The following NUP93 variants were observed in gnomAD, a reference collection of about 807,000 sequenced individuals.
The protein encoded by NUP93 is nucleoporin 93.
A neutral mutation model predicts 107.8 loss-of-function variants in NUP93; 55 were observed. The observed-to-expected ratio is 0.51, with a 90% CI of 0.41 to 0.64. The LOEUF (loss-of-function observed/expected upper bound fraction) is 0.64. Among genes scored for constraint, NUP93 ranks in the 30% least tolerant of loss-of-function variants. The pLI is 0.00. For synonymous variants in NUP93, 390 were observed against 397.5 expected (o/e 0.98, Z 0.22); for missense variants, 937 against 1,044.7 (o/e 0.90, Z 1.42).
chr16:56,818,362 T>G (rs763848865), intron 5 of NUP93, among the ~76,000 whole-genome samples: 4 of 152,206 alleles, frequency 2.6e-5, no homozygotes, highest in Non-Finnish European at 5.9e-5. Flanking sequence ...GGCTTGAGAT[T>G]CAAACAGAAT....
chr16:56,776,145 T>G (rs1204269750), intron 3 of NUP93, among the ~76,000 whole-genome samples: 1 of 152,164 alleles, frequency 6.6e-6, no homozygotes, highest in Non-Finnish European at 1.5e-5. Context: ...TTAAGTTTTC[T>G]TCATAGAAAA....
At chr16:56,814,988 T>C (rs574090607) in intron 5 of NUP93, among the ~76,000 whole-genome samples, 29 of 152,344 alleles carry the variant, frequency 1.9e-4, no homozygotes, top group African/African-American at 6.7e-4. Context: ...TAATTGACTT[T>C]ATGTGCGGGG....
intron 3 of NUP93, among the ~76,000 whole-genome samples, chr16:56,762,871 C>T (rs1310828861): frequency 3.3e-5 from 5 of 152,138 alleles, no homozygotes; most frequent in Non-Finnish European, 5.9e-5. Context: ...CTTCCTCCAT[C>T]TTCACGGGGT....
At chr16:56,739,568 C>CA (rs2144437553) in intron 1 of NUP93, among the ~76,000 whole-genome samples, 1 of 92,986 alleles carries the variant, frequency 1.1e-5, no homozygotes, top group African/African-American at 4.4e-5. Context: ...GCTGGCCGGG[C>CA]GGGGGGCTGA....
At position 56,838,986 on chromosome 16, in the gene NUP93, G is replaced by A. The variant is rs369743924; in HGVS notation, c.2053G>A (p.Val685Met). 4.3e-6 allele frequency: 7 copies of A among 1,613,768 alleles called. No homozygotes were observed. The African/African-American group carries it at 9.3e-5, about 22-fold the overall frequency. ...TCAAGGAATAAGCGCAAATAAATTT[G>A]TGGACTCCACGTTCTATCTTCTTTT... ...RAQGISANKFVDSTFYLLLDL... is the reference protein window; with the variant it reads ...RAQGISANKFMDSTFYLLLDL... The change falls in exon 19 of 22, where the codon GTG (valine) becomes ATG (methionine). Residue 685 changes from valine (V) to methionine (M), a missense_variant. Coordinates refer to ENST00000308159, the MANE Select transcript of NUP93 (RefSeq NM_014669.5).
At chr16:56,740,103 G>C (rs1312216376) in intron 1 of NUP93, among the ~76,000 whole-genome samples, 3 of 102,868 alleles carry the variant, frequency 2.9e-5, no homozygotes, top group African/African-American at 1.3e-4. Flanking sequence ...TCCCGGACGG[G>C]GCGGCTGGCC....
chr16:56,830,361 C>T (rs1860930077), intron 9 of NUP93, among the ~76,000 whole-genome samples, 167 bp from the exon 10 acceptor site: 1 of 152,174 alleles, frequency 6.6e-6, no homozygotes, highest in African/African-American at 2.4e-5. Context: ...CCTCAGTTTC[C>T]TTGTTTGTAA....
chr16:56,837,225 C>A (rs1567412997), intron 17 of NUP93, among the ~76,000 whole-genome samples: 1 of 152,186 alleles, frequency 6.6e-6, no homozygotes, highest in South Asian at 2.1e-4. Flanking sequence ...ATGACCTAAA[C>A]AAGATTACAT....
At chr16:56,789,267 T>C (rs1962699438) in intron 3 of NUP93, among the ~76,000 whole-genome samples, 1 of 152,250 alleles carries the variant, frequency 6.6e-6, no homozygotes, top group Non-Finnish European at 1.5e-5. Context: ...TGCCATGTGT[T>C]GTCAGGTTTT....
intron 5 of NUP93, among the ~76,000 whole-genome samples, chr16:56,808,714 TA>T (rs1356618967): frequency 1.4e-4 from 5 of 34,490 alleles, no homozygotes; most frequent in Non-Finnish European, 2.1e-4. Flanking sequence ...AATACATATA[TA>T]AATATATATA....
chr16:56,801,738 G>T (rs542567511), intron 4 of NUP93, among the ~76,000 whole-genome samples: 63 of 152,336 alleles, frequency 4.1e-4, no homozygotes, highest in Admixed American at 1.0e-3. Context: ...CATTCAGGTT[G>T]TGAGGGTGTT....
chr16:56,768,066 A>G (rs1962245955), intron 3 of NUP93, among the ~76,000 whole-genome samples: 2 of 152,256 alleles, frequency 1.3e-5, no homozygotes. Flanking sequence ...AAAATTACTC[A>G]GTTTGCTGTA....
chr16:56,782,169 C>G, intron 3 of NUP93: 3 of 985,314 alleles, frequency 3.0e-6, no homozygotes, highest in Non-Finnish European at 3.6e-6. Context: ...CTGCAGTGAT[C>G]GACAGCATCG....
chr16:56,734,032 C>T (rs1262864659), intron 1 of NUP93, among the ~76,000 whole-genome samples: 1 of 152,154 alleles, frequency 6.6e-6, no homozygotes, highest in Non-Finnish European at 1.5e-5. Flanking sequence ...TGCTGTTGTT[C>T]AGTGTACTGG....
rs761290611 is a variant in NUP93 at position 56,832,049 on chromosome 16, T to C, written c.1251+42T>C. ...CTGCCCACATAGGGCTTTACCCCTT[T>C]TCTGTGCTCAAGTCCCCGCAAAGAT... On this transcript the variant is annotated intron_variant, in intron 11 of 21. Coordinates refer to ENST00000308159, the MANE Select transcript of NUP93 (RefSeq NM_014669.5). The C allele has an allele frequency of 1.9e-5, 30 of 1,608,790 alleles. 1 individual carries two copies. The South Asian group carries it at 3.3e-4, about 18-fold the overall frequency.
Position 56,836,626 on chromosome 16 carries a change from GT to G in NUP93, c.1809del (p.Ser603ArgfsTer39). On this transcript the variant is annotated frameshift_variant, in exon 17 of 22. Transcript: ENST00000308159. LOFTEE classifies it high-confidence loss of function. ...RKPGVIDKFT[S>X]DTKPIINKVA... is the part of the protein sequence containing the mutation. The stretch of plus-strand genomic sequence containing the variant: ...CCTGGAGTCATAGATAAGTTTACTA[GT>G]GACACAAAGCCTATTATCAACAAAG... 1 of 1,613,242 alleles carries G rather than the reference GT, an allele frequency of 6.2e-7. No homozygotes were observed. Among genetic ancestry groups the G allele is most frequent in the Non-Finnish European group, 8.5e-7 (1 of 1,179,280 alleles).
At chr16:56,781,825 A>G (rs997560394) in intron 3 of NUP93, 2 of 985,092 alleles carry the variant, frequency 2.0e-6, no homozygotes, top group Non-Finnish European at 2.4e-6. Context: ...GTAACCTATA[A>G]ACTGTTACTC....
chr16:56,804,139 T>A (rs1488781995), intron 4 of NUP93, among the ~76,000 whole-genome samples: 2 of 152,186 alleles, frequency 1.3e-5, no homozygotes, highest in Non-Finnish European at 2.9e-5. Flanking sequence ...TGGTACAGCC[T>A]CTATGGAAAT....
chr16:56,794,773 A>C lies in NUP93; in HGVS notation c.298-3703A>C, dbSNP rs567296064. On this transcript the variant is annotated intron_variant, in intron 3 of 21. Transcript: ENST00000308159. ...GAAACCCTGTCTCTACTAAAAATAC[A>C]AAAAATTAGCTGGGCGTGGTTGCAG... Among the ~76,000 whole-genome samples the C allele has an allele frequency of 7.3e-5, 11 of 151,720 alleles. No individual in the cohort carries two copies. The South Asian group carries it at 2.3e-3, about 32-fold the overall frequency.
Sources: allele counts gnomAD v4.1 joint callset (sites outside exome capture counted in the v4.1 genomes callset), GRCh38; gene constraint gnomAD v4.1.1; transcripts MANE v1.5; gene names NCBI Gene and HGNC (gene_info 2026-07-23, HGNC 2026-07-21).